GALNT17: variants seen among roughly 807,000 people sequenced by gnomAD.
GALNT17 encodes polypeptide N-acetylgalactosaminyltransferase 17.
GALNT17 carries 29 observed loss-of-function variants against 63.7 expected under a neutral mutation model. The observed-to-expected ratio is 0.46, with a 90% CI of 0.34 to 0.62. GALNT17 has a LOEUF of 0.62. Ranked by LOEUF, GALNT17 falls within the 20% of genes least tolerant of loss-of-function variation. GALNT17 has a pLI of 0.01. For missense variants in GALNT17, 603 were observed against 799.6 expected, an observed-to-expected ratio of 0.75 and a Z score of 2.97; for synonymous variants, 305 against 318.3, an observed-to-expected ratio of 0.96 and a Z score of 0.45.
chr7:71,403,572 G>A (rs952445841), intron 3 of GALNT17, among the ~76,000 whole-genome samples: 6 of 152,220 alleles, frequency 3.9e-5, no homozygotes, highest in Non-Finnish European at 8.8e-5. Flanking sequence ...TGATGCATTA[G>A]TAACTTAACG....
At chr7:71,372,439 A>C (rs778958414) in intron 2 of GALNT17, among the ~76,000 whole-genome samples, 1 of 152,218 alleles carries the variant, frequency 6.6e-6, no homozygotes, top group Non-Finnish European at 1.5e-5. Context: ...TGCTGGGATC[A>C]TAGGCATGAG....
At chr7:71,471,016 T>C (rs148564512) in intron 5 of GALNT17, among the ~76,000 whole-genome samples, 1 of 152,286 alleles carries the variant, frequency 6.6e-6, no homozygotes, top group Non-Finnish European at 1.5e-5. Flanking sequence ...GTGGACATCC[T>C]TTCTTCTTAG....
intron 6 of GALNT17, among the ~76,000 whole-genome samples, chr7:71,626,932 G>T (rs1328069087): frequency 1.3e-5 from 2 of 152,142 alleles, no homozygotes; most frequent in African/African-American, 4.8e-5. Flanking sequence ...CCAGGACTGG[G>T]CGCCCCAGGA....
intron 6 of GALNT17, among the ~76,000 whole-genome samples, chr7:71,622,646 CTT>C (rs1230960944): frequency 6.6e-6 from 1 of 152,160 alleles, no homozygotes; most frequent in Non-Finnish European, 1.5e-5. Flanking sequence ...TGACCTGACT[CTT>C]TCTGGATTGA....
At chr7:71,153,863 G>A (rs886412963) in intron 1 of GALNT17, among the ~76,000 whole-genome samples, 1 of 151,936 alleles carries the variant, frequency 6.6e-6, no homozygotes, top group East Asian at 1.9e-4. Flanking sequence ...AACCAAGATG[G>A]TGCCACTGCA....
At chr7:71,266,881 G>C (rs540005062) in intron 1 of GALNT17, among the ~76,000 whole-genome samples, 4 of 152,196 alleles carry the variant, frequency 2.6e-5, no homozygotes, top group Admixed American at 2.6e-4. Context: ...GAAAAAAATT[G>C]GTGAGAATTT....
At chr7:71,630,881 C>T (rs1306078782) in intron 6 of GALNT17, among the ~76,000 whole-genome samples, 5 of 152,190 alleles carry the variant, frequency 3.3e-5, no homozygotes, top group East Asian at 1.9e-4. Flanking sequence ...TAGGCCACGT[C>T]GTTAGAATAC....
chr7:71,432,774 C>T (rs1786891153), intron 5 of GALNT17, among the ~76,000 whole-genome samples: 1 of 152,158 alleles, frequency 6.6e-6, no homozygotes, highest in African/African-American at 2.4e-5. Flanking sequence ...TCAAGGCCAG[C>T]TTGGACAACA....
intron 8 of GALNT17, among the ~76,000 whole-genome samples, chr7:71,674,390 G>GGCTAT (rs1791116928): frequency 6.7e-6 from 1 of 148,798 alleles, no homozygotes; most frequent in Admixed American, 6.7e-5. Flanking sequence ...CTGTTGCCCA[G>GGCTAT]GCTACAGTAC....
In GALNT17 at chr7:71,594,099, T is replaced by G. The variant is rs113764805; in HGVS notation, c.1080+22697T>G. On this transcript the variant is annotated intron_variant, in intron 6 of 10. Transcript: ENST00000333538. ...TTGCTCACCCAGAAAATCAGCCATC[T>G]CTTTGGGCTTAAATGGTGATGGGAA... Among the ~76,000 whole-genome samples, 634 of 152,116 alleles carry G rather than the reference T, an allele frequency of 4.2e-3. 6 individuals are homozygous for G. The highest frequency in any genetic ancestry group is 0.015 in the African/African-American group (607 of 41,488).
chr7:71,544,121 T>C (rs1788939609), intron 5 of GALNT17, among the ~76,000 whole-genome samples: 1 of 60,934 alleles, frequency 1.6e-5, no homozygotes, highest in South Asian at 3.7e-4. Flanking sequence ...TGATTTCTTT[T>C]TTCTTTTTTT....
At chr7:71,599,405 C>G (rs1178694253) in intron 6 of GALNT17, among the ~76,000 whole-genome samples, 1 of 152,180 alleles carries the variant, frequency 6.6e-6, no homozygotes, top group Non-Finnish European at 1.5e-5. Context: ...GAGGTCTGAG[C>G]AGGGCCTGTG....
At chr7:71,590,875 C>T (rs990883522) in intron 6 of GALNT17, among the ~76,000 whole-genome samples, 1 of 151,742 alleles carries the variant, frequency 6.6e-6, no homozygotes, top group Non-Finnish European at 1.5e-5. Context: ...TTACAGGTGC[C>T]TGCCACCAAG....
intron 6 of GALNT17, among the ~76,000 whole-genome samples, chr7:71,607,687 A>G (rs1371149903): frequency 6.6e-6 from 1 of 152,228 alleles, no homozygotes; most frequent in Non-Finnish European, 1.5e-5. Flanking sequence ...CCAGGGTTGT[A>G]AGACATAAAG....
At chr7:71,651,078 G>A (rs1266068114) in intron 6 of GALNT17, among the ~76,000 whole-genome samples, 3 of 152,072 alleles carry the variant, frequency 2.0e-5, no homozygotes, top group Non-Finnish European at 4.4e-5. Context: ...CTTAGTTGAA[G>A]CTGTTGTAGA....
intron 6 of GALNT17, among the ~76,000 whole-genome samples, chr7:71,638,394 C>T (rs2117002434): frequency 6.6e-6 from 1 of 152,268 alleles, no homozygotes; most frequent in South Asian, 2.1e-4. Context: ...TACCCATCCC[C>T]TATTCAAGAT....
chr7:71,256,859 T>C (rs1790299036), intron 1 of GALNT17, among the ~76,000 whole-genome samples: 1 of 152,188 alleles, frequency 6.6e-6, no homozygotes, highest in South Asian at 2.1e-4. Context: ...GATGACACTA[T>C]CTAGGCTGGC....
intron 1 of GALNT17, among the ~76,000 whole-genome samples, chr7:71,318,411 C>CTTTTTTTTT (rs747726741): frequency 7.4e-6 from 1 of 134,396 alleles, no homozygotes; most frequent in Non-Finnish European, 1.6e-5. Context: ...CCCTGAAGCT[C>CTTTTTTTTT]TTTTTTTTTT....
At chr7:71,435,180 T>C (rs966220387) in intron 5 of GALNT17, among the ~76,000 whole-genome samples, 1 of 152,030 alleles carries the variant, frequency 6.6e-6, no homozygotes, top group East Asian at 1.9e-4. Flanking sequence ...TTTTTAAAAT[T>C]AGATGGATGT....
Sources: gnomAD v4.1 joint callset for allele counts (sites outside exome capture counted in the v4.1 genomes callset) on GRCh38, gnomAD v4.1.1 for gene constraint, MANE v1.5 for transcripts, NCBI Gene and HGNC (gene_info 2026-07-23, HGNC 2026-07-21) for gene names.